The following MALRD1 variants were observed in gnomAD, a reference collection of about 807,000 sequenced individuals.
MALRD1 encodes MAM and LDL-receptor class A domain-containing protein 1.
Under a neutral mutation model 242.1 loss-of-function variants are expected in MALRD1, and 247 were observed. The ratio of observed to expected loss-of-function variants is 1.02; its 90% CI spans 0.92 to 1.13. The LOEUF (loss-of-function observed/expected upper bound fraction) is 1.13, where lower values mean the gene tolerates loss of function less well. Among genes scored for constraint, MALRD1 ranks in the 50% most tolerant of loss-of-function variants. The probability of loss-of-function intolerance (pLI) is 0.00; values close to 1 mark genes in which losing one functional copy is unlikely to be tolerated. For synonymous variants in MALRD1, 995 were observed against 866.6 expected (o/e 1.15, Z -2.60); for missense variants, 2,989 against 2,533.1 (o/e 1.18, Z -3.86).
intron 36 of MALRD1, among the ~76,000 whole-genome samples, chr10:19,691,361 A>T (rs1842812874): frequency 6.6e-6 from 1 of 152,086 alleles, no homozygotes; most frequent in Non-Finnish European, 1.5e-5. Flanking sequence ...TGAGCATACA[A>T]ATTTTCAAAT....
intron 6 of MALRD1, among the ~76,000 whole-genome samples, chr10:19,123,971 C>T (rs866452544): frequency 4.0e-5 from 6 of 148,444 alleles, no homozygotes; most frequent in Admixed American, 2.7e-4. Flanking sequence ...TTTGGGAGGC[C>T]GGGATGAGAG....
intron 14 of MALRD1, among the ~76,000 whole-genome samples, chr10:19,190,982 TG>T (rs1835951090): frequency 6.6e-6 from 1 of 152,150 alleles, no homozygotes; most frequent in Non-Finnish European, 1.5e-5. Flanking sequence ...TAAAATTTTT[TG>T]CATCCTAAAA....
intron 28 of MALRD1, among the ~76,000 whole-genome samples, chr10:19,398,756 T>G (rs1422961654): frequency 1.3e-5 from 2 of 152,218 alleles, no homozygotes; most frequent in Admixed American, 6.5e-5. Flanking sequence ...TATTAAGAAA[T>G]ATTAGTGTGC....
intron 26 of MALRD1, among the ~76,000 whole-genome samples, chr10:19,373,725 T>TA (rs1207434515): frequency 1.3e-5 from 2 of 152,218 alleles, no homozygotes; most frequent in African/African-American, 2.4e-5. Flanking sequence ...CTTGAATCCA[T>TA]AGGCAAGACA....
intron 38 of MALRD1, among the ~76,000 whole-genome samples, chr10:19,714,435 C>G (rs1156530993): frequency 6.6e-6 from 1 of 152,090 alleles, no homozygotes; most frequent in Non-Finnish European, 1.5e-5. Context: ...GAGTGTTCCT[C>G]TCGACGTCCA....
intron 33 of MALRD1, among the ~76,000 whole-genome samples, chr10:19,593,384 C>T (rs1203274007): frequency 6.6e-6 from 1 of 152,150 alleles, no homozygotes; most frequent in African/African-American, 2.4e-5. Flanking sequence ...TACATCTTCA[C>T]TATTGGTTTA....
intron 36 of MALRD1, among the ~76,000 whole-genome samples, chr10:19,632,605 A>G (rs1730228080): frequency 6.6e-6 from 1 of 152,270 alleles, no homozygotes; most frequent in South Asian, 2.1e-4. Context: ...ATGATTACCA[A>G]CATTGTTTCA....
At chr10:19,365,115 A>G in intron 26 of MALRD1, among the ~76,000 whole-genome samples, 1 of 152,160 alleles carries the variant, frequency 6.6e-6, no homozygotes, top group African/African-American at 2.4e-5. Context: ...ATGAAAACAC[A>G]TACATGTTTT....
intron 38 of MALRD1, among the ~76,000 whole-genome samples, chr10:19,704,667 G>A (rs1475157025): frequency 6.6e-6 from 1 of 152,096 alleles, no homozygotes; most frequent in Non-Finnish European, 1.5e-5. Context: ...TTCCACAAAC[G>A]TTTATTAAGA....
At chr10:19,491,480 G>T in intron 29 of MALRD1, 37 bp from the exon 30 acceptor site, 1 of 1,542,220 alleles carries the variant, frequency 6.5e-7, no homozygotes, top group Non-Finnish European at 8.7e-7. Context: ...TGAAAATATT[G>T]ATGGAATACT....
intron 21 of MALRD1, among the ~76,000 whole-genome samples, chr10:19,300,868 TTAAAC>T (rs1237416776): frequency 2.0e-5 from 3 of 152,152 alleles, no homozygotes; most frequent in African/African-American, 7.2e-5. Context: ...TGAGACCTAA[TTAAAC>T]TAAAGACCTT....
intron 28 of MALRD1, among the ~76,000 whole-genome samples, chr10:19,397,827 T>C (rs1846655245): frequency 6.6e-6 from 1 of 152,080 alleles, no homozygotes. Context: ...TTATCTTTTG[T>C]CTTTTTGATA....
intron 5 of MALRD1, among the ~76,000 whole-genome samples, chr10:19,114,353 C>A (rs965531642): frequency 6.6e-6 from 1 of 152,050 alleles, no homozygotes; most frequent in African/African-American, 2.4e-5. Flanking sequence ...CTAACATAGC[C>A]GTCTTGTGGT....
At chr10:19,568,221 A>G (rs1400221282) in intron 33 of MALRD1, among the ~76,000 whole-genome samples, 1 of 152,182 alleles carries the variant, frequency 6.6e-6, no homozygotes, top group African/African-American at 2.4e-5. Context: ...CTGAATTTCT[A>G]CTGTTTAAGA....
intron 1 of MALRD1, among the ~76,000 whole-genome samples, chr10:19,049,951 C>A (rs1232500382): frequency 6.6e-6 from 1 of 152,186 alleles, no homozygotes; most frequent in African/African-American, 2.4e-5. Context: ...TACACACATT[C>A]ACCCTTCATA....
At chr10:19,261,593 T>G (rs1485327865) in intron 19 of MALRD1, among the ~76,000 whole-genome samples, 2 of 151,950 alleles carry the variant, frequency 1.3e-5, no homozygotes, top group Non-Finnish European at 2.9e-5. Context: ...GTTTATAGCA[T>G]TTTTCTTCTT....
Position 19,175,277 on chromosome 10 carries a change from G to T in MALRD1, c.1900G>T (p.Glu634Ter). 1.6e-6 allele frequency: 2 copies of T among 1,230,602 alleles called. No homozygotes were observed. Among genetic ancestry groups the T allele is most frequent in the Non-Finnish European group, 2.0e-6 (2 of 987,332 alleles). The allele number at this position is 1,230,602 out of a possible 1,614,324, so 76.2% of individuals were successfully genotyped here. The change falls in exon 14 of 40, where the codon GAA becomes TAA. Residue 634 changes from glutamate (E) to a stop codon, truncating the protein, a stop_gained. Coordinates refer to ENST00000454679, the MANE Select transcript of MALRD1 (RefSeq NM_001142308.3). LOFTEE classifies it high-confidence loss of function. The part of the protein sequence containing the change: ...VALDDISVSQ[E>*]CEISYKSLPR... Reference sequence around the variant, plus strand: ...TCTAGATGACATCAGTGTGTCCCAGGAATGTGAAATTTCCTATAAATCACT... The same window carrying T: ...TCTAGATGACATCAGTGTGTCCCAGTAATGTGAAATTTCCTATAAATCACT...
chr10:19,506,416 G>A (rs1442224886), intron 31 of MALRD1, among the ~76,000 whole-genome samples: 1 of 152,078 alleles, frequency 6.6e-6, no homozygotes, highest in Non-Finnish European at 1.5e-5. Context: ...CCAGCTATAT[G>A]AGCCCAATCT....
In MALRD1 at chr10:19,504,097, T is replaced by A. The variant is rs77800762; in HGVS notation, c.5320+5451T>A. On this transcript the variant is annotated intron_variant, in intron 31 of 39. Coordinates refer to ENST00000454679, the MANE Select transcript of MALRD1 (RefSeq NM_001142308.3). ...ACATATAGTATTCAATAAATACAAC[T>A]CAATTTGATATTTGGTTGATAGTGT... 2.4e-3 allele frequency among the ~76,000 whole-genome samples: 366 copies of A among 152,316 alleles called. 7 individuals are homozygous for A. The East Asian group carries it at 0.05, about 21-fold the overall frequency.
Sources: gnomAD v4.1 joint callset for allele counts (sites outside exome capture counted in the v4.1 genomes callset) on GRCh38, gnomAD v4.1.1 for gene constraint, MANE v1.5 for transcripts, NCBI Gene and HGNC (gene_info 2026-07-23, HGNC 2026-07-21) for gene names.